BACH2: variants seen among roughly 807,000 people sequenced by gnomAD.
BACH2 encodes the protein transcription regulator protein BACH2.
A neutral mutation model predicts 61.8 loss-of-function variants in BACH2; 5 were observed. That is an observed-to-expected ratio of 0.08 (90% CI 0.04 to 0.17). The LOEUF (loss-of-function observed/expected upper bound fraction) is 0.17, where lower values mean the gene tolerates loss of function less well. BACH2 is among the 10% of genes least tolerant of loss of function. BACH2 has a pLI of 1.00. For missense variants in BACH2, 824 were observed against 1,091.1 expected (o/e 0.76, Z 3.45); for synonymous variants, 446 against 440.1 (o/e 1.01, Z -0.17).
chr6:90,221,755 G>A (rs1191833994), intron 3 of BACH2, among the ~76,000 whole-genome samples: 1 of 152,084 alleles, frequency 6.6e-6, no homozygotes, highest in Non-Finnish European at 1.5e-5. Flanking sequence ...AAAAAGGAGG[G>A]ACATTTCAGA....
At chr6:90,174,631 C>G (rs1045625409) in intron 4 of BACH2, among the ~76,000 whole-genome samples, 1 of 151,874 alleles carries the variant, frequency 6.6e-6, no homozygotes, top group Non-Finnish European at 1.5e-5. Context: ...ATAAGGAAGC[C>G]AATAAGGTTT....
intron 4 of BACH2, among the ~76,000 whole-genome samples, chr6:90,198,129 C>T (rs1351818009): frequency 6.6e-6 from 1 of 152,180 alleles, no homozygotes; most frequent in Admixed American, 6.5e-5. Context: ...TGTGCTCATG[C>T]TTGACTCGGA....
chr6:90,238,423 C>T (rs112194121), intron 3 of BACH2, among the ~76,000 whole-genome samples: 2,377 of 152,252 alleles, frequency 0.016, 30 homozygotes, highest in Non-Finnish European at 0.023. Flanking sequence ...ATACAGATAG[C>T]GCAACTGCTG....
At chr6:90,057,495 A>G (rs145047383) in intron 5 of BACH2, among the ~76,000 whole-genome samples, 1 of 152,292 alleles carries the variant, frequency 6.6e-6, no homozygotes, top group Non-Finnish European at 1.5e-5. Context: ...CTTACGAACC[A>G]AAAAAAGTCC....
At chr6:89,934,957 C>G (rs922575268) in intron 8 of BACH2, among the ~76,000 whole-genome samples, 1 of 152,058 alleles carries the variant, frequency 6.6e-6, no homozygotes, top group African/African-American at 2.4e-5. Context: ...GAGATTTACA[C>G]CGGGAAAGGG....
chr6:90,232,057 A>G (rs1289226741), intron 3 of BACH2, among the ~76,000 whole-genome samples: 1 of 152,240 alleles, frequency 6.6e-6, no homozygotes, highest in Non-Finnish European at 1.5e-5. Context: ...CAATTATACA[A>G]GAGTGCCTTG....
intron 5 of BACH2, among the ~76,000 whole-genome samples, chr6:90,016,946 G>A (rs1202358550): frequency 2.6e-5 from 4 of 151,812 alleles, no homozygotes; most frequent in Non-Finnish European, 4.4e-5. Flanking sequence ...GTTGCCTTTA[G>A]GACTTTTTCT....
At chr6:90,151,728 G>A (rs1243931753) in intron 4 of BACH2, among the ~76,000 whole-genome samples, 1 of 152,236 alleles carries the variant, frequency 6.6e-6, no homozygotes, top group Non-Finnish European at 1.5e-5. Context: ...GACACCAACA[G>A]AAGGCATACT....
At chr6:90,181,770 T>C (rs1276158587) in intron 4 of BACH2, among the ~76,000 whole-genome samples, 1 of 152,090 alleles carries the variant, frequency 6.6e-6, no homozygotes, top group Non-Finnish European at 1.5e-5. Flanking sequence ...TCATTGATTG[T>C]AGACACAGTC....
chr6:90,049,877 G>A (rs548469860), intron 5 of BACH2, among the ~76,000 whole-genome samples: 1 of 152,338 alleles, frequency 6.6e-6, no homozygotes, highest in South Asian at 2.1e-4. Flanking sequence ...AGCTGCACAA[G>A]TAACTGTTTT....
intron 6 of BACH2, among the ~76,000 whole-genome samples, chr6:90,000,369 C>G (rs1270253089): frequency 1.3e-5 from 2 of 152,176 alleles, no homozygotes; most frequent in Admixed American, 6.5e-5. Flanking sequence ...AAGTAGTTAC[C>G]TGAAATATTT....
intron 4 of BACH2, among the ~76,000 whole-genome samples, chr6:90,104,017 A>C (rs6928266): frequency 1.3e-3 from 200 of 152,332 alleles, no homozygotes; most frequent in African/African-American, 4.4e-3. Context: ...AGTGGCAAAG[A>C]GGGGGCCAAA....
chr6:90,186,106 T>C (rs976867339), intron 4 of BACH2, among the ~76,000 whole-genome samples: 3 of 152,238 alleles, frequency 2.0e-5, no homozygotes, highest in Non-Finnish European at 4.4e-5. Flanking sequence ...TGTAATTTTC[T>C]CTGTTTTAGC....
At chr6:90,166,151 T>G (rs943288473) in intron 4 of BACH2, among the ~76,000 whole-genome samples, 3 of 152,062 alleles carry the variant, frequency 2.0e-5, no homozygotes, top group Non-Finnish European at 4.4e-5. Context: ...AGTTTTGAAA[T>G]CTACTCGTCT....
At position 90,025,452 on chromosome 6, in the gene BACH2, T is replaced by C. The variant is rs796382508; in HGVS notation, c.-12-16596A>G. On this transcript the variant is annotated intron_variant, in intron 5 of 8. Coordinates refer to ENST00000257749, the MANE Select transcript of BACH2 (RefSeq NM_021813.4). ...ACTTCTTTGTGTCTATGTTCTCCAT[T>C]TATATTCACTTCTCATACATTAATC... is the stretch of plus-strand genomic sequence containing the variant. Among the ~76,000 whole-genome samples the C allele has an allele frequency of 2.6e-5, 4 of 152,346 alleles. No homozygotes were observed. In the South Asian group the frequency reaches 6.2e-4, roughly 24 times the overall value.
intron 3 of BACH2, among the ~76,000 whole-genome samples, chr6:90,243,168 A>G (rs1316141449): frequency 6.7e-6 from 1 of 150,224 alleles, no homozygotes. Flanking sequence ...TGCTGGGATT[A>G]CAGGCGTGAG....
chr6:90,245,505 A>C (rs1770603856), intron 3 of BACH2, among the ~76,000 whole-genome samples: 3 of 152,210 alleles, frequency 2.0e-5, no homozygotes, highest in Non-Finnish European at 2.9e-5. Context: ...TGAGGTAGCC[A>C]GTGAACTGTG....
At chr6:90,265,529 G>C (rs978189127) in intron 2 of BACH2, among the ~76,000 whole-genome samples, 2 of 152,184 alleles carry the variant, frequency 1.3e-5, no homozygotes, top group African/African-American at 2.4e-5. Context: ...CATCTATCCT[G>C]AACATGGCTG....
At chr6:90,215,490 C>A (rs777761511) in intron 3 of BACH2, among the ~76,000 whole-genome samples, 13 of 152,146 alleles carry the variant, frequency 8.5e-5, no homozygotes, top group African/African-American at 1.2e-4. Flanking sequence ...CCCTGTCCTG[C>A]TTTAAAGCTC....
Sources: gnomAD v4.1 joint callset for allele counts (sites outside exome capture counted in the v4.1 genomes callset) on GRCh38, gnomAD v4.1.1 for gene constraint, MANE v1.5 for transcripts, NCBI Gene and HGNC (gene_info 2026-07-23, HGNC 2026-07-21) for gene names.